Variants in RPS6KC1 observed in about 807,000 individuals in gnomAD.
The protein encoded by RPS6KC1 is inactive ribosomal protein S6 kinase delta-1.
Under a neutral mutation model 103.8 loss-of-function variants are expected in RPS6KC1, and 54 were observed. The observed-to-expected ratio is 0.52, with a 90% CI of 0.42 to 0.65. The LOEUF is 0.65. Among genes scored for constraint, RPS6KC1 ranks in the 30% least tolerant of loss-of-function variants. RPS6KC1 has a pLI of 0.00. For synonymous variants in RPS6KC1, 439 were observed against 438.7 expected (o/e 1.00, Z -0.01); for missense variants, 1,151 against 1,253.8 (o/e 0.92, Z 1.24).
chr1:213,274,821 A>G (rs553613187), downstream of RPS6KC1: 1 of 152,288 alleles, frequency 6.6e-6, no homozygotes, highest in African/African-American at 2.4e-5. Flanking sequence ...ATAACATAAA[A>G]TTCACCATTT....
At chr1:213,458,278 G>A in the RPS6KC1 span, among the ~76,000 whole-genome samples, 3 of 152,076 alleles carry the variant, frequency 2.0e-5, no homozygotes, top group Non-Finnish European at 2.9e-5. Context: ...ACATTAATTC[G>A]CTTAGGATAA....
At chr1:213,117,205 G>A (rs2083754583) in intron 4 of RPS6KC1, 112 bp from the exon 5 acceptor site, 1 of 608,564 alleles carries the variant, frequency 1.6e-6, no homozygotes. Flanking sequence ...TAATAGATTA[G>A]TATAGTCGTT....
chr1:213,794,299 C>T, the RPS6KC1 span: 1 of 152,108 alleles, frequency 6.6e-6, no homozygotes, highest in African/African-American at 2.4e-5. Context: ...GTAGAAACAA[C>T]AATGAGACTG....
the RPS6KC1 span, among the ~76,000 whole-genome samples, chr1:213,858,398 T>C: frequency 6.6e-6 from 1 of 152,168 alleles, no homozygotes; most frequent in African/African-American, 2.4e-5. Context: ...ATGATGTGTT[T>C]TTTTTTAGCA....
the RPS6KC1 span, among the ~76,000 whole-genome samples, chr1:213,596,866 G>A: frequency 3.3e-5 from 5 of 152,198 alleles, no homozygotes; most frequent in African/African-American, 1.2e-4. Context: ...TAAAACAACA[G>A]AGAATTATTA....
At chr1:213,849,497 C>A in the RPS6KC1 span, among the ~76,000 whole-genome samples, 3 of 152,124 alleles carry the variant, frequency 2.0e-5, no homozygotes, top group African/African-American at 7.2e-5. Context: ...CTGATTCTAC[C>A]TATGAATGTA....
chr1:213,506,858 T>C, the RPS6KC1 span, among the ~76,000 whole-genome samples: 1 of 152,216 alleles, frequency 6.6e-6, no homozygotes, highest in Non-Finnish European at 1.5e-5. Flanking sequence ...AAAGAATTAG[T>C]GATAATAGAT....
chr1:213,386,948 G>T, the RPS6KC1 span, among the ~76,000 whole-genome samples: 74 of 152,340 alleles, frequency 4.9e-4, no homozygotes, highest in East Asian at 0.012. Context: ...TAGACACGAT[G>T]AGAGGAAGGG....
the RPS6KC1 span, among the ~76,000 whole-genome samples, chr1:213,295,605 G>A: frequency 1.2e-4 from 19 of 152,338 alleles, no homozygotes; most frequent in East Asian, 3.7e-3. Flanking sequence ...AATTCTTTAA[G>A]TGAATTTTTG....
At chr1:213,057,507 G>A (rs2077430761) in intron 1 of RPS6KC1, among the ~76,000 whole-genome samples, 2 of 151,968 alleles carry the variant, frequency 1.3e-5, no homozygotes, top group Admixed American at 1.3e-4. Flanking sequence ...CTTATACCCT[G>A]GCAAGCAGCG....
chr1:213,328,375 T>G, the RPS6KC1 span, among the ~76,000 whole-genome samples: 1 of 151,936 alleles, frequency 6.6e-6, no homozygotes, highest in African/African-American at 2.4e-5. Flanking sequence ...TTGCCCAATT[T>G]ACCTTTCTAA....
chr1:213,117,118 T>G (rs1356014707), intron 4 of RPS6KC1, among the ~76,000 whole-genome samples, 199 bp from the exon 5 acceptor site: 1 of 152,224 alleles, frequency 6.6e-6, no homozygotes, highest in Non-Finnish European at 1.5e-5. Flanking sequence ...TTAAATATCT[T>G]GGGTTGGTGT....
chr1:213,268,319 G>A (rs919989953), intron 14 of RPS6KC1, among the ~76,000 whole-genome samples: 2 of 151,524 alleles, frequency 1.3e-5, no homozygotes, highest in African/African-American at 4.8e-5. Flanking sequence ...CAAGAATTCA[G>A]CAAAATTATC....
intron 3 of RPS6KC1, among the ~76,000 whole-genome samples, chr1:213,096,196 CT>C (rs1159546352): frequency 6.6e-6 from 1 of 152,224 alleles, no homozygotes; most frequent in African/African-American, 2.4e-5. Context: ...CAAGAAACGA[CT>C]TTCTCTGCTC....
At chr1:213,436,552 C>CCCAG in the RPS6KC1 span, among the ~76,000 whole-genome samples, 2 of 152,120 alleles carry the variant, frequency 1.3e-5, no homozygotes, top group Admixed American at 6.5e-5. Flanking sequence ...AAAAAACATT[C>CCCAG]TGGGATATTG....
chr1:213,392,703 A>T, the RPS6KC1 span, among the ~76,000 whole-genome samples: 1 of 152,234 alleles, frequency 6.6e-6, no homozygotes, highest in Admixed American at 6.5e-5. Flanking sequence ...ATGCTTGACT[A>T]TGTGAGTACT....
chr1:213,609,702 A>G, the RPS6KC1 span, among the ~76,000 whole-genome samples: 3 of 151,008 alleles, frequency 2.0e-5, no homozygotes, highest in Non-Finnish European at 4.4e-5. Flanking sequence ...TGTGGAGAGA[A>G]GCAGGTTGGA....
Position 213,129,665 on chromosome 1 carries a change from T to C in RPS6KC1, c.611T>C (p.Leu204Pro). Residue 204 changes from leucine (L) to proline (P), a missense_variant, in exon 6 of 15, where the codon CTA becomes CCA. Around this residue, in one of 3 missense-constraint regions of RPS6KC1, gnomAD observed 959 missense variants for 1,006.3 expected, o/e 0.95. Transcript: ENST00000366960. ...GLNLSSDSSA[L>P]GAVASDSEQS... Reference sequence around the variant, plus strand: ...AATCTTTCTTCGGATTCTTCAGCACTAGGGGCTGTTGCTTCTGACAGTGAA... The same window carrying C: ...AATCTTTCTTCGGATTCTTCAGCACCAGGGGCTGTTGCTTCTGACAGTGAA... 6.2e-7 allele frequency: 1 copy of C among 1,614,058 alleles called. No homozygotes were observed. The highest frequency in any genetic ancestry group is 8.5e-7 in the Non-Finnish European group (1 of 1,179,954).
At chr1:213,285,305 A>G in the RPS6KC1 span, among the ~76,000 whole-genome samples, 1 of 150,592 alleles carries the variant, frequency 6.6e-6, no homozygotes, top group Non-Finnish European at 1.5e-5. Context: ...CATCTATCCT[A>G]ATTACCTCCT....
Sources: gnomAD v4.1 joint callset for allele counts (sites outside exome capture counted in the v4.1 genomes callset) on GRCh38, gnomAD v4.1.1 for gene constraint, gnomAD v4.1.1 regional missense constraint, MANE v1.5 for transcripts, NCBI Gene and HGNC (gene_info 2026-07-23, HGNC 2026-07-21) for gene names.